Variants in PALLD observed in about 807,000 individuals in gnomAD.
PALLD encodes the protein palladin, cytoskeletal associated protein, also known as palladin.
Under a neutral mutation model 123.5 loss-of-function variants are expected in PALLD, and 61 were observed. The ratio of observed to expected loss-of-function variants is 0.49; its 90% CI spans 0.40 to 0.61. The LOEUF is 0.61. PALLD is among the 20% of genes least tolerant of loss of function. PALLD has a pLI of 0.00. For missense variants in PALLD, 1,273 were observed against 1,377.0 expected (o/e 0.92, Z 1.20); for synonymous variants, 465 against 496.4 (o/e 0.94, Z 0.84).
chr4:168,861,349 T>C (rs1214890773), intron 10 of PALLD, among the ~76,000 whole-genome samples: 1 of 152,012 alleles, frequency 6.6e-6, no homozygotes, highest in East Asian at 1.9e-4. Flanking sequence ...TTATTATGTA[T>C]GGGCTGGCTT....
chr4:168,648,675 T>C (rs1355436860), intron 2 of PALLD: 1 of 152,238 alleles, frequency 6.6e-6, no homozygotes, highest in Admixed American at 6.5e-5. Context: ...GATATCTTTA[T>C]GCTTACACAA....
In PALLD at chr4:168,898,713, A is replaced by T. The variant is rs749596897; in HGVS notation, c.2471A>T (p.Lys824Met). ...AGAGTGGCTGGAAATCCAAAGCCAA[A>T]GGTGAGCTGGGAGATGGAGGCTTTT... ...TCRVAGNPKP[K>M]IYWFKDGKQI... The change falls in exon 14 of 22, where the codon AAG becomes ATG. Residue 824 changes from lysine (K) to methionine (M), a missense_variant and splice_region_variant. By Grantham distance (95) the Lys-to-Met change is moderately conservative. Around this residue, in one of 2 missense-constraint regions of PALLD, gnomAD observed 329 missense variants for 422.5 expected, o/e 0.78. Transcript: ENST00000505667. 1.2e-6 allele frequency: 2 copies of T among 1,606,716 alleles called. No homozygotes were observed. Among genetic ancestry groups the T allele is most frequent in the South Asian group, 1.1e-5 (1 of 90,952 alleles).
At chr4:168,803,230 C>T (rs556029966) in intron 10 of PALLD, among the ~76,000 whole-genome samples, 160 of 152,050 alleles carry the variant, frequency 1.1e-3, no homozygotes, top group Middle Eastern at 0.01. Context: ...ATCATACAGT[C>T]GTGGTGGAAG....
chr4:168,910,869 T>C (rs1243463258), intron 15 of PALLD, among the ~76,000 whole-genome samples: 1 of 152,132 alleles, frequency 6.6e-6, no homozygotes, highest in Admixed American at 6.5e-5. Flanking sequence ...TGGTTAAATA[T>C]GAAAGAATTT....
At chr4:168,824,267 AT>A (rs925891608) in intron 10 of PALLD, among the ~76,000 whole-genome samples, 1 of 151,948 alleles carries the variant, frequency 6.6e-6, no homozygotes, top group East Asian at 1.9e-4. Flanking sequence ...CCAGAAATAC[AT>A]TTTTTTATTT....
intron 2 of PALLD, among the ~76,000 whole-genome samples, chr4:168,564,208 T>A (rs1227612460): frequency 6.6e-6 from 1 of 152,208 alleles, no homozygotes; most frequent in Non-Finnish European, 1.5e-5. Flanking sequence ...AATTAACATT[T>A]CTAGGTCTTT....
intron 8 of PALLD, among the ~76,000 whole-genome samples, chr4:168,704,249 CTTAAACA>C (rs1783999036): frequency 1.3e-5 from 2 of 152,066 alleles, no homozygotes; most frequent in Admixed American, 1.3e-4. Flanking sequence ...GGATTAAAGA[CTTAAACA>C]TTAGACCTAA....
rs948081972 is a variant in PALLD at position 168,844,712 on chromosome 4, T to C, written c.1965-46210T>C. Reference sequence around the variant, plus strand: ...TCCCTGCCAACTTCCTAATAAAGGGTGAACTCCAAATATTAAAAAGTTATT... The same window carrying C: ...TCCCTGCCAACTTCCTAATAAAGGGCGAACTCCAAATATTAAAAAGTTATT... On this transcript the variant is annotated intron_variant, in intron 10 of 21. Transcript: ENST00000505667. The surrounding 1 kb of genome is among the most constrained non-coding windows in gnomAD (Gnocchi z 4.5). 1 of 152,148 alleles carries C rather than the reference T, an allele frequency of 6.6e-6. No homozygotes were observed. The highest frequency in any genetic ancestry group is 1.5e-5 in the Non-Finnish European group (1 of 68,016). 9.4% of individuals were successfully genotyped at this position (152,148 alleles called of 1,614,324 possible).
chr4:168,719,765 G>C (rs1785805445), intron 10 of PALLD, among the ~76,000 whole-genome samples: 2 of 152,196 alleles, frequency 1.3e-5, no homozygotes, highest in East Asian at 1.9e-4. Flanking sequence ...GGTGTCTGCT[G>C]TTCCCCTCCT....
At chr4:168,856,789 C>T (rs575757290) in intron 10 of PALLD, among the ~76,000 whole-genome samples, 2 of 152,324 alleles carry the variant, frequency 1.3e-5, no homozygotes, top group African/African-American at 4.8e-5. Context: ...CTAAGAAGTA[C>T]AGCATTACCT....
chr4:168,915,127 AC>A (rs1475506041), intron 16 of PALLD, among the ~76,000 whole-genome samples: 4 of 152,194 alleles, frequency 2.6e-5, no homozygotes, highest in Admixed American at 2.0e-4. Flanking sequence ...AGAAGGGTAA[AC>A]TATATTAAAA....
Position 168,878,021 on chromosome 4 carries a change from A to C in PALLD, c.1965-12901A>C. 7 of 1,493,260 alleles carry C rather than the reference A, an allele frequency of 4.7e-6. No homozygotes were observed. The highest frequency in any genetic ancestry group is 3.6e-4 in the Middle Eastern group (2 of 5,520). 92.5% of individuals were successfully genotyped at this position (1,493,260 alleles called of 1,614,324 possible). A position where few individuals can be genotyped will look rare whatever the true frequency, so the allele number is the denominator to read the frequency against. On this transcript the variant is annotated intron_variant, in intron 10 of 21. Transcript: ENST00000505667. ...GTCGGGCCACGGCACGCCGGCCTCC[A>C]GCCCCAGCTCGTCCAGCCTCCCGTC...
At position 168,668,317 on chromosome 4, in the gene PALLD, G is replaced by A. The variant is rs1183685139; in HGVS notation, c.1036G>A (p.Ala346Thr). The stretch of plus-strand genomic sequence containing the variant: ...CGACACAGGTCGCTACACCTGTTTG[G>A]CTACGAATCCCAGCGGCTCAGACAC... Reference protein sequence around the residue: ...EDDTGRYTCLATNPSGSDTTS... With the variant: ...EDDTGRYTCLTTNPSGSDTTS... The change falls in exon 3 of 22, where the codon GCT becomes ACT. Residue 346 changes from alanine (A) to threonine (T), a missense_variant. Coordinates refer to ENST00000505667, the MANE Select transcript of PALLD (RefSeq NM_001166108.2). 1.9e-6 allele frequency: 3 copies of A among 1,612,772 alleles called. No homozygotes were observed. The highest frequency in any genetic ancestry group is 2.5e-6 in the Non-Finnish European group (3 of 1,179,134).
chr4:168,580,340 A>G (rs1770117704), intron 2 of PALLD, among the ~76,000 whole-genome samples: 1 of 152,038 alleles, frequency 6.6e-6, no homozygotes, highest in African/African-American at 2.4e-5. Flanking sequence ...TTTCAAAAGA[A>G]GACATACATG....
At chr4:168,729,190 G>A (rs991525604) in intron 10 of PALLD, among the ~76,000 whole-genome samples, 2 of 152,100 alleles carry the variant, frequency 1.3e-5, no homozygotes, top group Non-Finnish European at 2.9e-5. Context: ...TTCAGTTCTA[G>A]GGTTTTGCTA....
chr4:168,612,446 T>C (rs946333049), intron 2 of PALLD, among the ~76,000 whole-genome samples: 4 of 152,134 alleles, frequency 2.6e-5, no homozygotes, highest in African/African-American at 7.2e-5. Flanking sequence ...ACAAGAACCA[T>C]GAATGCTTGT....
intron 6 of PALLD, among the ~76,000 whole-genome samples, chr4:168,687,571 C>T (rs982536034): frequency 2.6e-5 from 4 of 152,158 alleles, no homozygotes; most frequent in African/African-American, 9.7e-5. Context: ...CAAATAAAGT[C>T]CATGCTGGTG....
intron 10 of PALLD, among the ~76,000 whole-genome samples, chr4:168,765,956 A>G (rs1239530512): frequency 6.6e-6 from 1 of 152,192 alleles, no homozygotes; most frequent in East Asian, 1.9e-4. Context: ...TTTGAATGTT[A>G]TTATAATCTA....
rs768657723 is a variant in PALLD, at chr4:168,709,094, C to T, written c.1568C>T (p.Ala523Val). 1 of 1,613,552 alleles carries T rather than the reference C, an allele frequency of 6.2e-7. No individual in the cohort carries two copies. Among genetic ancestry groups the T allele is most frequent in the Non-Finnish European group, 8.5e-7 (1 of 1,179,570 alleles). Residue 523 changes from alanine (A) to valine (V), a missense_variant, in exon 9 of 22, where the codon GCA (alanine) becomes GTA (valine). Transcript: ENST00000505667. ...PEDAGIFTCSARNDYGSATST... is the reference protein window; with the variant it reads ...PEDAGIFTCSVRNDYGSATST... The stretch of plus-strand genomic sequence containing the variant: ...GATGCAGGGATCTTTACATGTTCAG[C>T]AAGAAATGATTATGGATCAGCAACC...
Sources: allele counts gnomAD v4.1 joint callset (sites outside exome capture counted in the v4.1 genomes callset), GRCh38; gene constraint gnomAD v4.1.1; regional missense constraint gnomAD v4.1.1; non-coding constraint Gnocchi (gnomAD v3.1); transcripts MANE v1.5; gene names NCBI Gene and HGNC (gene_info 2026-07-23, HGNC 2026-07-21).